The following RALGAPA1 variants were observed in gnomAD, a reference collection of about 807,000 sequenced individuals.
The protein encoded by RALGAPA1 is Ral GTPase activating protein catalytic subunit alpha 1.
Under a neutral mutation model 269.6 loss-of-function variants are expected in RALGAPA1, and 52 were observed. That is an observed-to-expected ratio of 0.19 (90% CI 0.15 to 0.24). The LOEUF is 0.24. Ranked by LOEUF, RALGAPA1 falls within the 10% of genes least tolerant of loss-of-function variation. RALGAPA1 has a pLI of 1.00. For synonymous variants in RALGAPA1, 817 were observed against 1,008.3 expected, an observed-to-expected ratio of 0.81 and a Z score of 3.60; for missense variants, 1,917 against 3,013.9, an observed-to-expected ratio of 0.64 and a Z score of 8.52.
At chr14:35,541,450 T>A (rs1162474666) in intron 41 of RALGAPA1, among the ~76,000 whole-genome samples, 1 of 152,176 alleles carries the variant, frequency 6.6e-6, no homozygotes, top group Non-Finnish European at 1.5e-5. Context: ...TTGCCCTTCT[T>A]CTCAAAGTAA....
At chr14:35,765,845 T>C (rs1488560566) in intron 4 of RALGAPA1, 15 of 678,168 alleles carry the variant, frequency 2.2e-5, no homozygotes, top group East Asian at 2.2e-4. Flanking sequence ...GGTAATGCTA[T>C]AGTAGTTCCG....
At chr14:35,600,433 TG>T (rs2059227176) in intron 36 of RALGAPA1, among the ~76,000 whole-genome samples, 1 of 152,072 alleles carries the variant, frequency 6.6e-6, no homozygotes, top group Middle Eastern at 3.4e-3. Context: ...GATCTCACTA[TG>T]TTGCCCAGGC....
chr14:35,598,818 T>C (rs1009663794), intron 36 of RALGAPA1, among the ~76,000 whole-genome samples: 4 of 152,238 alleles, frequency 2.6e-5, no homozygotes, highest in African/African-American at 9.6e-5. Flanking sequence ...ATTGGTACAT[T>C]TAGATCATTT....
At chr14:35,793,479 C>A (rs2076341269) in intron 1 of RALGAPA1, among the ~76,000 whole-genome samples, 1 of 152,072 alleles carries the variant, frequency 6.6e-6, no homozygotes, top group African/African-American at 2.4e-5. Context: ...GCTGATCCAC[C>A]CACCTCGGCC....
At position 35,549,161 on chromosome 14, in the gene RALGAPA1, C is replaced by T; in HGVS notation, c.7570G>A (p.Ala2524Thr). 1 of 1,611,886 alleles carries T rather than the reference C, an allele frequency of 6.2e-7. No homozygotes were observed. The highest frequency in any genetic ancestry group is 1.7e-5 in the Admixed American group (1 of 59,954). Residue 2524 changes from alanine (A) to threonine (T), a missense_variant, in exon 40 of 42, where the codon GCA becomes ACA. Transcript: ENST00000680220. ...HLEPTTFEDF[A>T]AQVFSPAPYH... ...GGAGCTGGAGAAAAAACCTGTGCTG[C>T]AAAATCTTCAAATGTTGTTGGTTCT...
chr14:35,735,331 T>A (rs774099941), intron 12 of RALGAPA1, among the ~76,000 whole-genome samples: 2 of 151,802 alleles, frequency 1.3e-5, no homozygotes, highest in Non-Finnish European at 2.9e-5. Context: ...AATCAACGAG[T>A]GGATAAAGAA....
intron 24 of RALGAPA1, among the ~76,000 whole-genome samples, chr14:35,673,895 C>A (rs1360100482): frequency 3.3e-5 from 5 of 152,110 alleles, no homozygotes; most frequent in Non-Finnish European, 5.9e-5. Flanking sequence ...ACTTTTAATA[C>A]ACAGCATATT....
At chr14:35,624,102 T>C (rs2139553722) in intron 35 of RALGAPA1, among the ~76,000 whole-genome samples, 1 of 139,192 alleles carries the variant, frequency 7.2e-6, no homozygotes, top group African/African-American at 2.7e-5. Context: ...AAAAAAAAGT[T>C]ATCTTTGAAG....
chr14:35,608,386 C>A (rs556258058), intron 35 of RALGAPA1, among the ~76,000 whole-genome samples: 3 of 152,270 alleles, frequency 2.0e-5, no homozygotes, highest in African/African-American at 7.2e-5. Flanking sequence ...AAAATCTGAG[C>A]ATGGAGATCA....
At chr14:35,726,069 A>G (rs1354349216) in intron 13 of RALGAPA1, among the ~76,000 whole-genome samples, 1 of 152,174 alleles carries the variant, frequency 6.6e-6, no homozygotes, top group South Asian at 2.1e-4. Flanking sequence ...CCAATTCTCT[A>G]TCACAGCCTC....
At chr14:35,583,715 A>G (rs2058095431) in intron 37 of RALGAPA1, among the ~76,000 whole-genome samples, 1 of 152,190 alleles carries the variant, frequency 6.6e-6, no homozygotes, top group African/African-American at 2.4e-5. Context: ...CAGAGGAAAA[A>G]AAATCTTACC....
At chr14:35,793,546 T>C (rs1428295531) in intron 1 of RALGAPA1, among the ~76,000 whole-genome samples, 3 of 152,120 alleles carry the variant, frequency 2.0e-5, no homozygotes, top group Admixed American at 6.6e-5. Flanking sequence ...CCAAGGTCTA[T>C]TTCTATAATG....
chr14:35,737,457 A>G (rs918166474), intron 12 of RALGAPA1, among the ~76,000 whole-genome samples: 5 of 152,024 alleles, frequency 3.3e-5, no homozygotes, highest in African/African-American at 7.2e-5. Flanking sequence ...ATAAAAATAC[A>G]TGTATAAGAA....
At chr14:35,641,922 T>C (rs763263090) in intron 31 of RALGAPA1, among the ~76,000 whole-genome samples, 2 of 152,146 alleles carry the variant, frequency 1.3e-5, no homozygotes, top group Non-Finnish European at 2.9e-5. Flanking sequence ...TGGAACAGTA[T>C]AGAGAACCCA....
intron 39 of RALGAPA1, among the ~76,000 whole-genome samples, chr14:35,557,976 T>C (rs1391135474): frequency 6.6e-6 from 1 of 152,198 alleles, no homozygotes; most frequent in Non-Finnish European, 1.5e-5. Context: ...AGCATTAATT[T>C]TTTTTTCAGG....
chr14:35,645,346 G>GGTGTGTGTGTGTGTGTGTGTGTGTGTGT (rs58039867), intron 31 of RALGAPA1, among the ~76,000 whole-genome samples: 8 of 129,560 alleles, frequency 6.2e-5, no homozygotes, highest in East Asian at 2.3e-4. Context: ...TATAGAGATG[G>GGTGTGTGTGTGTGTGTGTGTGTGTGTGT]GTGTGTGTGT....
At chr14:35,571,364 T>C (rs1489542650) in intron 38 of RALGAPA1, among the ~76,000 whole-genome samples, 2 of 150,294 alleles carry the variant, frequency 1.3e-5, no homozygotes, top group Non-Finnish European at 2.9e-5. Flanking sequence ...TTCTCTCTGT[T>C]GTATATTCTT....
intron 41 of RALGAPA1, among the ~76,000 whole-genome samples, chr14:35,540,312 A>T (rs368694578): frequency 1.9e-4 from 29 of 152,324 alleles, no homozygotes; most frequent in African/African-American, 6.3e-4. Flanking sequence ...ATGTCAGTTA[A>T]AAAAAGGCAA....
At chr14:35,546,327 C>A (rs1419620602) in intron 41 of RALGAPA1, among the ~76,000 whole-genome samples, 2 of 151,768 alleles carry the variant, frequency 1.3e-5, no homozygotes, top group Non-Finnish European at 2.9e-5. Flanking sequence ...TAATCTTGAA[C>A]CAAATTAAGA....
Sources: allele counts gnomAD v4.1 joint callset (sites outside exome capture counted in the v4.1 genomes callset), GRCh38; gene constraint gnomAD v4.1.1; transcripts MANE v1.5; gene names NCBI Gene and HGNC (gene_info 2026-07-23, HGNC 2026-07-21).